Variants in MACROD2 observed in about 807,000 individuals in gnomAD.
MACROD2 encodes mono-ADP ribosylhydrolase 2.
Under a neutral mutation model 70.4 loss-of-function variants are expected in MACROD2, and 36 were observed. That is an observed-to-expected ratio of 0.51 (90% CI 0.39 to 0.68). MACROD2 has a LOEUF of 0.68. Among genes scored for constraint, MACROD2 ranks in the 30% least tolerant of loss-of-function variants. MACROD2 has a pLI of 0.00. For synonymous variants in MACROD2, 172 were observed against 178.8 expected, an observed-to-expected ratio of 0.96 and a Z score of 0.30; for missense variants, 496 against 538.4, an observed-to-expected ratio of 0.92 and a Z score of 0.78.
Position 14,280,334 on chromosome 20 carries a change from C to A in MACROD2, c.271+194606C>A, listed in dbSNP as rs537574519. The stretch of plus-strand genomic sequence containing the variant: ...CTGTAGGAGTTTATGATTTTAATAT[C>A]TTTTGGAAGATATATGCTTAATGTG... On this transcript the variant is annotated intron_variant, in intron 3 of 17. Transcript: ENST00000684519. 3.3e-4 allele frequency among the ~76,000 whole-genome samples: 50 copies of A among 152,174 alleles called. No homozygotes were observed. The South Asian group carries it at 8.9e-3, about 27-fold the overall frequency.
chr20:15,527,373 T>C (rs887041765), intron 8 of MACROD2, among the ~76,000 whole-genome samples: 10 of 152,260 alleles, frequency 6.6e-5, no homozygotes, highest in Admixed American at 6.5e-5. Flanking sequence ...AGAAATTATC[T>C]GAAAGGGCAT....
At chr20:14,307,842 A>G (rs554855147) in intron 3 of MACROD2, among the ~76,000 whole-genome samples, 4 of 152,226 alleles carry the variant, frequency 2.6e-5, no homozygotes, top group African/African-American at 9.6e-5. Flanking sequence ...TTGAATTATA[A>G]TCTCAGAGGA....
chr20:14,750,324 T>A (rs1199353487), intron 5 of MACROD2, among the ~76,000 whole-genome samples: 1 of 152,290 alleles, frequency 6.6e-6, no homozygotes, highest in Non-Finnish European at 1.5e-5. Flanking sequence ...AGTGTTGATG[T>A]TTCTCTGAAT....
intron 5 of MACROD2, among the ~76,000 whole-genome samples, chr20:14,897,270 G>A (rs2073841712): frequency 6.6e-6 from 1 of 152,184 alleles, no homozygotes; most frequent in South Asian, 2.1e-4. Flanking sequence ...GAAGGTGGGT[G>A]TCTAATGTAA....
chr20:15,917,041 T>C (rs2065329136), intron 10 of MACROD2, among the ~76,000 whole-genome samples: 1 of 152,242 alleles, frequency 6.6e-6, no homozygotes, highest in Admixed American at 6.5e-5. Context: ...TGGCAGGCTG[T>C]ACCGAGACAA....
intron 1 of MACROD2, among the ~76,000 whole-genome samples, chr20:14,000,954 A>G (rs944216710): frequency 5.3e-5 from 8 of 152,146 alleles, no homozygotes; most frequent in African/African-American, 1.9e-4. Context: ...TAGTTATAGT[A>G]TTCATACCTC....
chr20:14,021,474 G>A (rs541036706), intron 2 of MACROD2, among the ~76,000 whole-genome samples: 135 of 152,224 alleles, frequency 8.9e-4, no homozygotes, highest in African/African-American at 2.9e-3. Context: ...TCTTACTCAG[G>A]CCTTTAGGTA....
chr20:14,053,167 C>T (rs180952383), intron 2 of MACROD2: 5 of 149,868 alleles, frequency 3.3e-5, no homozygotes, highest in Admixed American at 3.3e-4. Context: ...AAGAAAGACT[C>T]ATTGAAGACT....
chr20:14,959,047 G>A (rs2074561168), intron 5 of MACROD2, among the ~76,000 whole-genome samples: 1 of 152,154 alleles, frequency 6.6e-6, no homozygotes, highest in Non-Finnish European at 1.5e-5. Flanking sequence ...CTTGCAACAT[G>A]TAAAAATTCA....
chr20:15,928,365 G>T (rs1269681106), intron 10 of MACROD2, among the ~76,000 whole-genome samples: 3 of 152,126 alleles, frequency 2.0e-5, no homozygotes, highest in African/African-American at 7.2e-5. Context: ...GTGCCAGAGG[G>T]GTTTGATTCT....
intron 8 of MACROD2, among the ~76,000 whole-genome samples, chr20:15,854,905 A>G (rs2064340021): frequency 6.6e-6 from 1 of 152,178 alleles, no homozygotes; most frequent in South Asian, 2.1e-4. Flanking sequence ...AGCAGCAGCC[A>G]CTGTTTTATG....
At chr20:15,515,187 G>A (rs2146519373) in intron 8 of MACROD2, among the ~76,000 whole-genome samples, 1 of 152,278 alleles carries the variant, frequency 6.6e-6, no homozygotes, top group South Asian at 2.1e-4. Flanking sequence ...GCTCTTATAA[G>A]CTCCTAAGGC....
At chr20:15,662,127 T>G (rs570685609) in intron 8 of MACROD2, among the ~76,000 whole-genome samples, 42 of 152,206 alleles carry the variant, frequency 2.8e-4, no homozygotes, top group Non-Finnish European at 4.0e-4. Context: ...CATCTAATTT[T>G]CTGGTTTACC....
chr20:15,079,449 C>T (rs901255263), intron 5 of MACROD2, among the ~76,000 whole-genome samples: 1 of 152,128 alleles, frequency 6.6e-6, no homozygotes, highest in Non-Finnish European at 1.5e-5. Flanking sequence ...GCACCAGCTC[C>T]ATAATGTTAG....
intron 12 of MACROD2, 149 bp downstream of exon 12, chr20:15,937,693 C>T (rs888520681): frequency 5.1e-6 from 3 of 586,480 alleles, no homozygotes; most frequent in African/African-American, 1.9e-5. Flanking sequence ...ACACCACCTA[C>T]TCTCTTTTAT....
chr20:14,570,292 C>A (rs1438326673), intron 4 of MACROD2, among the ~76,000 whole-genome samples: 1 of 151,964 alleles, frequency 6.6e-6, no homozygotes, highest in Non-Finnish European at 1.5e-5. Flanking sequence ...ACTTCAAAAG[C>A]AGGTTAAACT....
At chr20:15,139,384 TG>T (rs934072005) in intron 5 of MACROD2, among the ~76,000 whole-genome samples, 13 of 152,126 alleles carry the variant, frequency 8.5e-5, no homozygotes, top group East Asian at 1.9e-4. Flanking sequence ...TGTTTTATGG[TG>T]GGGGGGTGTC....
chr20:16,029,177 C>G (rs1320491135), intron 15 of MACROD2, among the ~76,000 whole-genome samples: 1 of 152,168 alleles, frequency 6.6e-6, no homozygotes, highest in Non-Finnish European at 1.5e-5. Flanking sequence ...CCCTCATGAC[C>G]TCATTTAACC....
intron 6 of MACROD2, among the ~76,000 whole-genome samples, chr20:15,349,538 C>T (rs1400376813): frequency 2.6e-5 from 4 of 152,040 alleles, no homozygotes; most frequent in African/African-American, 7.2e-5. Context: ...GGGTGGATCA[C>T]GAGGTCAGGA....
Sources: allele counts gnomAD v4.1 joint callset (sites outside exome capture counted in the v4.1 genomes callset), GRCh38; gene constraint gnomAD v4.1.1; transcripts MANE v1.5; gene names NCBI Gene and HGNC (gene_info 2026-07-23, HGNC 2026-07-21).